Variants in POU6F2 observed in about 807,000 individuals in gnomAD.
The protein encoded by POU6F2 is POU class 6 homeobox 2.
POU6F2 carries 31 observed loss-of-function variants against 71.3 expected under a neutral mutation model. The observed-to-expected ratio is 0.43, with a 90% confidence interval of 0.33 to 0.59. POU6F2 has a LOEUF of 0.59. Ranked by LOEUF, POU6F2 falls within the 20% of genes least tolerant of loss-of-function variation. The pLI is 0.04. For missense variants in POU6F2, 783 were observed against 856.8 expected (o/e 0.91, Z 1.07); for synonymous variants, 347 against 355.7 (o/e 0.98, Z 0.27).
At chr7:39,036,667 T>A (rs1584511432) in intron 1 of POU6F2, among the ~76,000 whole-genome samples, 1 of 149,008 alleles carries the variant, frequency 6.7e-6, no homozygotes, top group Non-Finnish European at 1.5e-5. Context: ...GACATAGATT[T>A]AAAAAAAAAA....
At chr7:39,073,980 T>C (rs1430620424) in intron 1 of POU6F2, among the ~76,000 whole-genome samples, 1 of 152,220 alleles carries the variant, frequency 6.6e-6, no homozygotes, top group Non-Finnish European at 1.5e-5. Context: ...GATAGTTACT[T>C]ATTTCTTAAA....
At chr7:39,313,873 C>T (rs1785211787) in intron 4 of POU6F2, among the ~76,000 whole-genome samples, 1 of 152,170 alleles carries the variant, frequency 6.6e-6, no homozygotes, top group Non-Finnish European at 1.5e-5. Flanking sequence ...TCAGCGTCTT[C>T]ATAAATGCTG....
At chr7:39,323,035 C>T (rs140403724) in intron 4 of POU6F2, among the ~76,000 whole-genome samples, 21 of 152,054 alleles carry the variant, frequency 1.4e-4, no homozygotes, top group African/African-American at 3.4e-4. Flanking sequence ...AATTACAGCT[C>T]CCTACAATTA....
At chr7:39,027,263 A>G (rs1789830543) in intron 1 of POU6F2, among the ~76,000 whole-genome samples, 1 of 152,186 alleles carries the variant, frequency 6.6e-6, no homozygotes, top group African/African-American at 2.4e-5. Flanking sequence ...TGATATTGCA[A>G]CTGGATATCC....
intron 5 of POU6F2, among the ~76,000 whole-genome samples, chr7:39,355,878 G>A (rs1266513740): frequency 6.6e-6 from 1 of 152,124 alleles, no homozygotes; most frequent in Non-Finnish European, 1.5e-5. Context: ...AAGGGAAAGA[G>A]AAACAGTGGG....
intron 4 of POU6F2, among the ~76,000 whole-genome samples, chr7:39,211,278 C>G (rs867344438): frequency 1.3e-5 from 2 of 152,154 alleles, no homozygotes; most frequent in Non-Finnish European, 2.9e-5. Context: ...ACTCTTATGA[C>G]AATGGATGAC....
At chr7:38,992,145 C>G (rs1289247486) in intron 1 of POU6F2, among the ~76,000 whole-genome samples, 2 of 152,164 alleles carry the variant, frequency 1.3e-5, no homozygotes, top group Non-Finnish European at 2.9e-5. Flanking sequence ...GGAATGACTG[C>G]TTCGTTACAA....
chr7:39,052,034 G>A (rs1236701822), intron 1 of POU6F2, among the ~76,000 whole-genome samples: 1 of 152,104 alleles, frequency 6.6e-6, no homozygotes, highest in Non-Finnish European at 1.5e-5. Flanking sequence ...GGTGTTGGGG[G>A]CTGACTGCTG....
chr7:39,289,338 C>T (rs1006566987), intron 4 of POU6F2, among the ~76,000 whole-genome samples: 4 of 152,232 alleles, frequency 2.6e-5, no homozygotes, highest in African/African-American at 9.6e-5. Flanking sequence ...AACCACCCAC[C>T]ACGTGACCAT....
At chr7:39,446,229 C>G (rs912846203) in intron 7 of POU6F2, among the ~76,000 whole-genome samples, 2 of 152,218 alleles carry the variant, frequency 1.3e-5, no homozygotes, top group African/African-American at 2.4e-5. Context: ...CATTGCAGCA[C>G]GGGGTGGGTT....
At chr7:39,019,266 G>C (rs1016281841) in intron 1 of POU6F2, among the ~76,000 whole-genome samples, 3 of 152,150 alleles carry the variant, frequency 2.0e-5, no homozygotes, top group Non-Finnish European at 4.4e-5. Flanking sequence ...GCACTGCTCT[G>C]ATGTTTTCTG....
intron 2 of POU6F2, among the ~76,000 whole-genome samples, chr7:39,200,549 C>T (rs1046709847): frequency 2.6e-5 from 4 of 152,132 alleles, no homozygotes; most frequent in Non-Finnish European, 5.9e-5. Flanking sequence ...AAACGTTCAT[C>T]CAGTGGTGCC....
chr7:39,022,546 AC>A (rs1447222074), intron 1 of POU6F2, among the ~76,000 whole-genome samples: 4 of 152,050 alleles, frequency 2.6e-5, no homozygotes, highest in Admixed American at 6.6e-5. Context: ...AGAGGCAATG[AC>A]TTTTTAAATT....
chr7:39,105,536 C>G lies in POU6F2; in HGVS notation c.277+19505C>G, dbSNP rs1442254531. Among the ~76,000 whole-genome samples the G allele has an allele frequency of 2.0e-5, 3 of 151,280 alleles. No homozygotes were observed. The East Asian group carries it at 5.9e-4, about 30-fold the overall frequency. ...TTTCCCCATGTGTGATAATATCTAT[C>G]AAGAAGTCTCAGCACAGGCAAGAAT... is the stretch of plus-strand genomic sequence containing the variant. On this transcript the variant is annotated intron_variant, in intron 2 of 9. Transcript: ENST00000518318.
chr7:38,982,857 G>A (rs780296409), intron 1 of POU6F2, among the ~76,000 whole-genome samples: 4 of 152,020 alleles, frequency 2.6e-5, no homozygotes, highest in Admixed American at 6.6e-5. Flanking sequence ...GAATACAAAT[G>A]CTTACAAAAG....
chr7:39,426,610 A>C (rs1583593895), intron 6 of POU6F2, among the ~76,000 whole-genome samples: 1 of 145,710 alleles, frequency 6.9e-6, no homozygotes, highest in Non-Finnish European at 1.5e-5. Context: ...CCTCTCTCTC[A>C]CCCTCCCTTT....
intron 1 of POU6F2, among the ~76,000 whole-genome samples, chr7:39,026,036 G>A (rs1313166546): frequency 9.2e-5 from 14 of 152,168 alleles, no homozygotes; most frequent in African/African-American, 1.7e-4. Context: ...AATGCAAATC[G>A]AAACCACAAT....
At chr7:39,268,179 C>T (rs539412738) in intron 4 of POU6F2, among the ~76,000 whole-genome samples, 9 of 152,296 alleles carry the variant, frequency 5.9e-5, no homozygotes, top group African/African-American at 1.2e-4. Context: ...CACACAGTCA[C>T]GTGCCCAGAT....
chr7:39,068,547 C>G lies in POU6F2; in HGVS notation c.106-17313C>G, dbSNP rs1052804442. ...CTACAGTAAGTTCCATAATCCTAAA[C>G]TAAAACTCAGGGAAAATATGGCTTT... is the stretch of plus-strand genomic sequence containing the variant. On this transcript the variant is annotated intron_variant, in intron 1 of 9. Transcript: ENST00000518318. 2.0e-5 allele frequency among the ~76,000 whole-genome samples: 3 copies of G among 149,160 alleles called. No homozygotes were observed. The Admixed American group carries it at 2.0e-4, about 10-fold the overall frequency.
Sources: gnomAD v4.1 joint callset for allele counts (sites outside exome capture counted in the v4.1 genomes callset) on GRCh38, gnomAD v4.1.1 for gene constraint, MANE v1.5 for transcripts, NCBI Gene and HGNC (gene_info 2026-07-23, HGNC 2026-07-21) for gene names.